Variants in KCNB2 observed in about 807,000 individuals in gnomAD.
KCNB2 encodes potassium voltage-gated channel subfamily B member 2.
A neutral mutation model predicts 61.5 loss-of-function variants in KCNB2; 15 were observed. The observed-to-expected ratio is 0.24, with a 90% confidence interval of 0.16 to 0.38. The LOEUF is 0.38. Ranked by LOEUF, KCNB2 falls within the 10% of genes least tolerant of loss-of-function variation. The pLI is 1.00. For missense variants in KCNB2, 828 were observed against 1,125.2 expected (o/e 0.74, Z 3.78); for synonymous variants, 457 against 446.0 (o/e 1.02, Z -0.31).
intron 2 of KCNB2, among the ~76,000 whole-genome samples, chr8:72,859,206 G>A (rs573209104): frequency 1.3e-5 from 2 of 152,110 alleles, no homozygotes; most frequent in Non-Finnish European, 2.9e-5. Context: ...GTGGTTATTG[G>A]CATCTCACAG....
intron 2 of KCNB2, among the ~76,000 whole-genome samples, chr8:72,909,820 A>T (rs1041031242): frequency 2.6e-5 from 4 of 152,172 alleles, no homozygotes; most frequent in African/African-American, 9.7e-5. Flanking sequence ...TCACTACGGG[A>T]TGGTGGGACC....
At chr8:72,913,383 G>A (rs925444494) in intron 2 of KCNB2, among the ~76,000 whole-genome samples, 4 of 152,174 alleles carry the variant, frequency 2.6e-5, no homozygotes, top group Non-Finnish European at 5.9e-5. Context: ...CCCTTCAGGA[G>A]ATTACATTTT....
At chr8:72,765,717 A>G (rs1423242932) in intron 2 of KCNB2, among the ~76,000 whole-genome samples, 3 of 152,282 alleles carry the variant, frequency 2.0e-5, no homozygotes, top group Non-Finnish European at 2.9e-5. Context: ...AATGAATGCT[A>G]TAGTGGTTCT....
chr8:72,827,630 A>C (rs1413762690), intron 2 of KCNB2, among the ~76,000 whole-genome samples: 1 of 152,134 alleles, frequency 6.6e-6, no homozygotes, highest in African/African-American at 2.4e-5. Context: ...AAGCCTCAGA[A>C]AGGCCTCATT....
At chr8:72,588,430 TGACCTCAGGTGATCCGCC>T (rs944140882) in intron 2 of KCNB2, among the ~76,000 whole-genome samples, 6 of 152,112 alleles carry the variant, frequency 3.9e-5, no homozygotes, top group Admixed American at 6.5e-5. Context: ...TTGGTCAGGC[TGACCTCAGGTGATCCGCC>T]GACCTCAGGT....
chr8:72,932,469 C>A (rs1038354664), intron 2 of KCNB2, among the ~76,000 whole-genome samples: 8 of 152,092 alleles, frequency 5.3e-5, no homozygotes, highest in African/African-American at 1.9e-4. Context: ...TTCCTTCAGA[C>A]CCCCAGAAAA....
At chr8:72,809,983 A>C (rs2129000381) in intron 2 of KCNB2, among the ~76,000 whole-genome samples, 1 of 152,326 alleles carries the variant, frequency 6.6e-6, no homozygotes, top group East Asian at 1.9e-4. Flanking sequence ...GGACCAGAAC[A>C]CTAAAACCCC....
At chr8:72,722,385 C>G (rs1807565410) in intron 2 of KCNB2, among the ~76,000 whole-genome samples, 1 of 152,220 alleles carries the variant, frequency 6.6e-6, no homozygotes, top group African/African-American at 2.4e-5. Context: ...GACCTGCTGC[C>G]TACCTCCCTC....
chr8:72,617,648 A>G (rs1384619263), intron 2 of KCNB2, among the ~76,000 whole-genome samples: 1 of 151,288 alleles, frequency 6.6e-6, no homozygotes, highest in Non-Finnish European at 1.5e-5. Context: ...ATTAGTGGAC[A>G]TTTTTACGAT....
intron 2 of KCNB2, among the ~76,000 whole-genome samples, chr8:72,908,522 A>G (rs1806222645): frequency 6.6e-6 from 1 of 152,218 alleles, no homozygotes; most frequent in Admixed American, 6.5e-5. Context: ...TGAATGAAAC[A>G]TAGTTTCTTC....
chr8:72,813,826 TG>T (rs1214891517), intron 2 of KCNB2, among the ~76,000 whole-genome samples: 2 of 152,256 alleles, frequency 1.3e-5, no homozygotes, highest in Non-Finnish European at 2.9e-5. Flanking sequence ...TTGAACTTTA[TG>T]TAAATGAAGT....
chr8:72,651,917 T>G (rs1305468259), intron 2 of KCNB2, among the ~76,000 whole-genome samples: 1 of 152,148 alleles, frequency 6.6e-6, no homozygotes, highest in African/African-American at 2.4e-5. Flanking sequence ...CCACGTCACA[T>G]GGGCATGATC....
intron 2 of KCNB2, among the ~76,000 whole-genome samples, chr8:72,810,654 T>C (rs1452944138): frequency 3.3e-5 from 5 of 152,250 alleles, no homozygotes; most frequent in African/African-American, 1.2e-4. Flanking sequence ...AGGACAGACT[T>C]ATGTCCTTTA....
intron 2 of KCNB2, among the ~76,000 whole-genome samples, chr8:72,613,608 A>G (rs1805573223): frequency 6.6e-6 from 1 of 152,182 alleles, no homozygotes; most frequent in African/African-American, 2.4e-5. Context: ...GTGATACATC[A>G]TCCCTCAGTC....
intron 2 of KCNB2, among the ~76,000 whole-genome samples, chr8:72,653,428 T>C (rs1029913800): frequency 2.0e-5 from 3 of 151,614 alleles, no homozygotes; most frequent in Non-Finnish European, 4.4e-5. Flanking sequence ...CCTATCACTC[T>C]TGATTCTCTT....
At chr8:72,609,758 A>G (rs917605111) in intron 2 of KCNB2, among the ~76,000 whole-genome samples, 1 of 152,182 alleles carries the variant, frequency 6.6e-6, no homozygotes, top group African/African-American at 2.4e-5. Context: ...AATATTTCAG[A>G]CTACAGAGCA....
chr8:72,577,914 T>C (rs2128979988), intron 2 of KCNB2, among the ~76,000 whole-genome samples: 1 of 152,352 alleles, frequency 6.6e-6, no homozygotes, highest in Non-Finnish European at 1.5e-5. Context: ...TGAAGGGCAG[T>C]TGTCCTATCT....
At chr8:72,554,549 C>T (rs990406462) in intron 1 of KCNB2, among the ~76,000 whole-genome samples, 6 of 151,984 alleles carry the variant, frequency 3.9e-5, no homozygotes, top group East Asian at 1.9e-4. Flanking sequence ...TGGTGCTCTG[C>T]GGTAGCAAAG....
intron 2 of KCNB2, among the ~76,000 whole-genome samples, chr8:72,784,880 C>A (rs1483092040): frequency 1.3e-5 from 2 of 152,060 alleles, no homozygotes; most frequent in Non-Finnish European, 2.9e-5. Flanking sequence ...TCATCCCCTG[C>A]ACAATAAAAG....
Sources: allele counts gnomAD v4.1 joint callset (sites outside exome capture counted in the v4.1 genomes callset), GRCh38; gene constraint gnomAD v4.1.1; transcripts MANE v1.5; gene names NCBI Gene and HGNC (gene_info 2026-07-23, HGNC 2026-07-21).